The following PDE1A variants were observed in gnomAD, a reference collection of about 807,000 sequenced individuals.
PDE1A encodes the protein dual specificity calcium/calmodulin-dependent 3',5'-cyclic nucleotide phosphodiesterase 1A.
PDE1A carries 35 observed loss-of-function variants against 61.7 expected under a neutral mutation model. The observed-to-expected ratio is 0.57, with a 90% confidence interval of 0.43 to 0.75. The LOEUF (loss-of-function observed/expected upper bound fraction) is 0.75. Among genes scored for constraint, PDE1A ranks in the 30% least tolerant of loss-of-function variants. The pLI is 0.00. For synonymous variants in PDE1A, 232 were observed against 213.2 expected (o/e 1.09, Z -0.77); for missense variants, 597 against 630.6 (o/e 0.95, Z 0.57).
At chr2:182,146,822 C>T (rs1228182912), downstream of PDE1A, among the ~76,000 whole-genome samples, 1 of 151,834 alleles carries the variant, frequency 6.6e-6, no homozygotes, top group Non-Finnish European at 1.5e-5. Context: ...AATTTCAGTT[C>T]CAGTAAATAT....
At chr2:182,295,248 G>T (rs543629928) in intron 1 of PDE1A, among the ~76,000 whole-genome samples, 1 of 151,232 alleles carries the variant, frequency 6.6e-6, no homozygotes, top group Non-Finnish European at 1.5e-5. Context: ...CTAATTTTTT[G>T]TATTTTTAGT....
intron 2 of PDE1A, among the ~76,000 whole-genome samples, chr2:182,461,225 G>A (rs4666834): frequency 0.18 from 27,684 of 151,804 alleles, 3,016 homozygotes; most frequent in Middle Eastern, 0.35. Flanking sequence ...AAAAACTAAA[G>A]TAAAGTTCAA....
intron 6 of PDE1A, among the ~76,000 whole-genome samples, chr2:182,226,172 C>A (rs985134388): frequency 6.7e-6 from 1 of 149,554 alleles, no homozygotes; most frequent in Non-Finnish European, 1.5e-5. Context: ...TTAAAAAAGG[C>A]AGCATTCATT....
the PDE1A span, among the ~76,000 whole-genome samples, chr2:182,652,722 C>T: frequency 2.1e-4 from 32 of 152,282 alleles, no homozygotes; most frequent in Middle Eastern, 6.8e-3. Flanking sequence ...ACAACAGTTA[C>T]AGGTAGAAAC....
chr2:182,370,303 A>C (rs1700062015), intron 1 of PDE1A, among the ~76,000 whole-genome samples: 1 of 152,232 alleles, frequency 6.6e-6, no homozygotes, highest in Non-Finnish European at 1.5e-5. Context: ...AGATGAACGA[A>C]ATTAATAGGT....
At chr2:182,272,988 G>T (rs1197990582) in intron 1 of PDE1A, among the ~76,000 whole-genome samples, 1 of 152,050 alleles carries the variant, frequency 6.6e-6, no homozygotes, top group Non-Finnish European at 1.5e-5. Context: ...TAAGGAAGTT[G>T]ATGAAGTTAA....
chr2:182,654,847 T>C, the PDE1A span, among the ~76,000 whole-genome samples: 1 of 152,182 alleles, frequency 6.6e-6, no homozygotes, highest in Non-Finnish European at 1.5e-5. Context: ...TTCTTGATGT[T>C]AACAAGCTGT....
intron 7 of PDE1A, among the ~76,000 whole-genome samples, chr2:182,219,105 T>C (rs1364831005): frequency 6.6e-6 from 1 of 152,124 alleles, no homozygotes; most frequent in Non-Finnish European, 1.5e-5. Context: ...TTTTACTCTC[T>C]TATAATGTGA....
intron 7 of PDE1A, among the ~76,000 whole-genome samples, chr2:182,214,373 C>A (rs1687964481): frequency 2.0e-5 from 3 of 151,338 alleles, no homozygotes; most frequent in Admixed American, 2.0e-4. Flanking sequence ...GCAAAATAAC[C>A]AGCCAACATC....
chr2:182,319,852 A>C (rs953409415), intron 1 of PDE1A, among the ~76,000 whole-genome samples: 3 of 152,186 alleles, frequency 2.0e-5, no homozygotes, highest in African/African-American at 7.2e-5. Context: ...TTAGAGTTAG[A>C]CTGTAATATT....
the PDE1A span, among the ~76,000 whole-genome samples, chr2:182,628,756 T>G: frequency 6.6e-6 from 1 of 152,164 alleles, no homozygotes; most frequent in African/African-American, 2.4e-5. Context: ...GGCTTTGGTC[T>G]TTTTAAAATA....
chr2:182,681,410 C>G, the PDE1A span, among the ~76,000 whole-genome samples: 2 of 151,882 alleles, frequency 1.3e-5, no homozygotes, highest in Non-Finnish European at 2.9e-5. Flanking sequence ...TGGGCTCAAG[C>G]CATCCTCCTG....
At chr2:182,235,278 G>A (rs2128047) in intron 3 of PDE1A, among the ~76,000 whole-genome samples, 108,278 of 151,962 alleles carry the variant, frequency 0.71, 39,028 homozygotes, top group African/African-American at 0.83. Flanking sequence ...TGAGTAGCTG[G>A]GATTACAGGC....
At chr2:182,426,989 T>C (rs1417742300) in exon 1 of PDE1A, 9 of 1,011,350 alleles carry the variant, frequency 8.9e-6, no homozygotes, top group Middle Eastern at 4.9e-4. Flanking sequence ...CCCTAAGTTA[T>C]TGCAGCCATG....
the PDE1A span, among the ~76,000 whole-genome samples, chr2:182,619,131 T>C: frequency 2.4e-3 from 373 of 152,258 alleles, 1 homozygote; most frequent in African/African-American, 8.5e-3. Context: ...TTCTTAATTC[T>C]TGCAATTATA....
the PDE1A span, among the ~76,000 whole-genome samples, chr2:182,578,615 A>G: frequency 0.025 from 3,751 of 152,318 alleles, 141 homozygotes; most frequent in African/African-American, 0.087. Flanking sequence ...CAGTAAGGGA[A>G]TGGTTGAATA....
the PDE1A span, among the ~76,000 whole-genome samples, chr2:182,550,393 G>A: frequency 6.6e-6 from 1 of 152,110 alleles, no homozygotes; most frequent in Non-Finnish European, 1.5e-5. Context: ...GGGAAATCAT[G>A]CTCTGGGCAA....
At chr2:182,386,132 C>T (rs1559404559) in intron 1 of PDE1A, among the ~76,000 whole-genome samples, 1 of 152,210 alleles carries the variant, frequency 6.6e-6, no homozygotes, top group Non-Finnish European at 1.5e-5. Context: ...CGGACGGAGT[C>T]TCGTTCACTC....
At chr2:182,365,113 A>G (rs527810062) in intron 1 of PDE1A, among the ~76,000 whole-genome samples, 1 of 152,142 alleles carries the variant, frequency 6.6e-6, no homozygotes, top group East Asian at 1.9e-4. Context: ...AATCTATATA[A>G]CTGTAACTTC....
Sources: allele counts gnomAD v4.1 joint callset (sites outside exome capture counted in the v4.1 genomes callset), GRCh38; gene constraint gnomAD v4.1.1; transcripts MANE v1.5; gene names NCBI Gene and HGNC (gene_info 2026-07-23, HGNC 2026-07-21).